PEPD: variants seen among roughly 807,000 people sequenced by gnomAD.
The protein encoded by PEPD is xaa-Pro dipeptidase.
A neutral mutation model predicts 60.7 loss-of-function variants in PEPD; 53 were observed. The observed-to-expected ratio is 0.87, with a 90% CI of 0.70 to 1.10. The LOEUF (loss-of-function observed/expected upper bound fraction) is 1.10, where lower values mean the gene tolerates loss of function less well. Among genes scored for constraint, PEPD ranks in the 50% least tolerant of loss-of-function variants. The pLI is 0.00. For synonymous variants in PEPD, 267 were observed against 284.1 expected (o/e 0.94, Z 0.60); for missense variants, 711 against 711.9 (o/e 1.00, Z 0.01).
chr19:33,415,094 T>C (rs535818173), intron 9 of PEPD, among the ~76,000 whole-genome samples: 8 of 152,238 alleles, frequency 5.3e-5, no homozygotes, highest in African/African-American at 1.9e-4. Context: ...CAGAAGCCAC[T>C]TCACACCTCT....
intron 7 of PEPD, 100 bp from the exon 8 acceptor site, chr19:33,464,162 C>A: frequency 3.6e-6 from 3 of 830,480 alleles, no homozygotes; most frequent in Non-Finnish European, 6.2e-6. Flanking sequence ...CCCTGCACAG[C>A]CCAGAAGGCG....
chr19:33,459,483 T>C (rs1264139329), intron 9 of PEPD, among the ~76,000 whole-genome samples: 4 of 152,082 alleles, frequency 2.6e-5, no homozygotes, highest in Non-Finnish European at 5.9e-5. Context: ...CATGAAATAA[T>C]AGGAGGCGGA....
intron 4 of PEPD, among the ~76,000 whole-genome samples, chr19:33,498,667 C>T (rs1970653196): frequency 6.6e-6 from 1 of 151,654 alleles, no homozygotes; most frequent in Non-Finnish European, 1.5e-5. Flanking sequence ...GGCAGGTGCC[C>T]ATTCCACCAG....
At chr19:33,396,624 G>A (rs1247411398) in intron 12 of PEPD, among the ~76,000 whole-genome samples, 1 of 143,472 alleles carries the variant, frequency 7.0e-6, no homozygotes, top group Middle Eastern at 3.4e-3. Context: ...AGGTTGATAG[G>A]AGCTGGGCCC....
At chr19:33,454,583 T>C (rs1393357985) in intron 9 of PEPD, among the ~76,000 whole-genome samples, 2 of 149,474 alleles carry the variant, frequency 1.3e-5, no homozygotes, top group Non-Finnish European at 3.0e-5. Context: ...GCCTCGGTGA[T>C]GGAGCGAGAC....
chr19:33,451,848 C>A (rs1969706743), intron 9 of PEPD, among the ~76,000 whole-genome samples: 1 of 152,100 alleles, frequency 6.6e-6, no homozygotes, highest in African/African-American at 2.4e-5. Flanking sequence ...AAAGACATAA[C>A]AATCATCAAC....
intron 13 of PEPD, among the ~76,000 whole-genome samples, chr19:33,390,255 T>C (rs1968182682): frequency 6.6e-6 from 1 of 152,238 alleles, no homozygotes; most frequent in African/African-American, 2.4e-5. Context: ...AAAAAGCGCT[T>C]TGGCGACTAA....
chr19:33,512,738 G>C lies in PEPD; in HGVS notation c.56C>G (p.Pro19Arg). The change falls in exon 2 of 15, where the codon CCG becomes CGG. Residue 19 changes from proline (P) to arginine (R), a missense_variant. Transcript: ENST00000244137. ...FWLGNETLKV[P>R]LALFALNRQR... ...CCGGTTCAAGGCAAAGAGCGCCAGC[G>C]GCACCTTCAGGGTTTCATTCCCCAG... 6.2e-7 allele frequency: 1 copy of C among 1,614,098 alleles called. No individual in the cohort carries two copies. Among genetic ancestry groups the C allele is most frequent in the Non-Finnish European group, 8.5e-7 (1 of 1,179,994 alleles).
rs528986396 is a variant in PEPD, at chr19:33,520,082, G to A, written c.17+1662C>T. ...TACGTCTCAAAAAAAAAAAAAGAAA[G>A]AGAAAAAGAAAAGCTCTCATTCCAG... On this transcript the variant is annotated intron_variant, in intron 1 of 14. Coordinates refer to ENST00000244137, the MANE Select transcript of PEPD (RefSeq NM_000285.4). Among the ~76,000 whole-genome samples the A allele has an allele frequency of 2.3e-3, 345 of 151,272 alleles. 2 individuals are homozygous for A. Among genetic ancestry groups the A allele is most frequent in the African/African-American group, 8.1e-3 (336 of 41,288 alleles).
At chr19:33,432,340 G>T (rs1021436346) in intron 9 of PEPD, among the ~76,000 whole-genome samples, 1 of 152,220 alleles carries the variant, frequency 6.6e-6, no homozygotes, top group Admixed American at 6.5e-5. Context: ...GGGAGCTAGA[G>T]AAGTCAGAGA....
chr19:33,500,418 C>T (rs533916414), intron 4 of PEPD, among the ~76,000 whole-genome samples: 28 of 152,344 alleles, frequency 1.8e-4, no homozygotes, highest in African/African-American at 6.7e-4. Context: ...AGATTCAAAA[C>T]CCCAAGAGGA....
intron 9 of PEPD, among the ~76,000 whole-genome samples, chr19:33,430,057 G>A (rs1014915265): frequency 2.0e-5 from 3 of 152,222 alleles, no homozygotes; most frequent in African/African-American, 7.2e-5. Flanking sequence ...GGCTTCTGGA[G>A]AGAGGCCACC....
intron 9 of PEPD, among the ~76,000 whole-genome samples, chr19:33,460,429 C>T (rs1226588669): frequency 2.0e-5 from 3 of 152,152 alleles, no homozygotes; most frequent in African/African-American, 4.8e-5. Flanking sequence ...CACTGGCAAT[C>T]GGGGCGCCTC....
chr19:33,412,625 G>A (rs1399419223), intron 10 of PEPD, among the ~76,000 whole-genome samples: 2 of 152,228 alleles, frequency 1.3e-5, no homozygotes, highest in African/African-American at 4.8e-5. Flanking sequence ...CCCCCACCTG[G>A]GTGTAATATT....
At chr19:33,501,234 C>T (rs917376333) in intron 3 of PEPD, among the ~76,000 whole-genome samples, 1 of 152,246 alleles carries the variant, frequency 6.6e-6, no homozygotes, top group South Asian at 2.1e-4. Context: ...CAGCAAGCCC[C>T]GCTCCTCCGT....
intron 12 of PEPD, among the ~76,000 whole-genome samples, chr19:33,392,113 G>A (rs956925475): frequency 6.6e-6 from 1 of 152,084 alleles, no homozygotes; most frequent in African/African-American, 2.4e-5. Flanking sequence ...AGGGGTTCGG[G>A]GCCCCGCCTG....
intron 9 of PEPD, among the ~76,000 whole-genome samples, chr19:33,425,126 T>C (rs576182931): frequency 2.0e-5 from 3 of 152,188 alleles, no homozygotes; most frequent in South Asian, 4.2e-4. Flanking sequence ...TCCCAGCACT[T>C]TGGGAGGCCG....
chr19:33,477,590 T>C (rs1447168736), intron 7 of PEPD, among the ~76,000 whole-genome samples: 1 of 152,174 alleles, frequency 6.6e-6, no homozygotes, highest in East Asian at 1.9e-4. Flanking sequence ...TAGAAGCCAG[T>C]TGTGCAGCAG....
At chr19:33,486,434 C>T (rs1233982000) in intron 6 of PEPD, among the ~76,000 whole-genome samples, 1 of 152,076 alleles carries the variant, frequency 6.6e-6, no homozygotes, top group Non-Finnish European at 1.5e-5. Flanking sequence ...CTCACAAGCC[C>T]CTACAGACCA....
Sources: gnomAD v4.1 joint callset for allele counts (sites outside exome capture counted in the v4.1 genomes callset) on GRCh38, gnomAD v4.1.1 for gene constraint, MANE v1.5 for transcripts, NCBI Gene and HGNC (gene_info 2026-07-23, HGNC 2026-07-21) for gene names.